The following IFT140 variants were observed in gnomAD, a reference collection of about 807,000 sequenced individuals.
IFT140 encodes intraflagellar transport protein 140 homolog.
Under a neutral mutation model 164.6 loss-of-function variants are expected in IFT140, and 133 were observed. The observed-to-expected ratio is 0.81, with a 90% CI of 0.70 to 0.93. The LOEUF (loss-of-function observed/expected upper bound fraction) is 0.93. Ranked by LOEUF, IFT140 falls within the 40% of genes least tolerant of loss-of-function variation. The pLI is 0.00. For synonymous variants in IFT140, 860 were observed against 817.3 expected, an observed-to-expected ratio of 1.05 and a Z score of -0.89; for missense variants, 2,045 against 1,972.3, an observed-to-expected ratio of 1.04 and a Z score of -0.70.
chr16:1,578,988 C>T (rs1370684463), intron 13 of IFT140, among the ~76,000 whole-genome samples: 3 of 152,214 alleles, frequency 2.0e-5, no homozygotes, highest in Non-Finnish European at 4.4e-5. Flanking sequence ...GCTCAGATTA[C>T]AGATGTGAGT....
intron 26 of IFT140, among the ~76,000 whole-genome samples, chr16:1,521,840 G>A (rs527966831): frequency 2.7e-5 from 4 of 148,264 alleles, no homozygotes; most frequent in Non-Finnish European, 5.9e-5. Flanking sequence ...GGGCAACACA[G>A]TCAGACCCCC....
intron 19 of IFT140, among the ~76,000 whole-genome samples, chr16:1,557,327 G>A (rs562030640): frequency 2.6e-4 from 40 of 152,296 alleles, no homozygotes; most frequent in Admixed American, 2.5e-3. Flanking sequence ...GGACGACAGC[G>A]GGCCGGGGTC....
intron 19 of IFT140, chr16:1,541,288 C>A: frequency 1.0e-6 from 1 of 985,084 alleles, no homozygotes; most frequent in Non-Finnish European, 1.2e-6. Flanking sequence ...GTGAGGGGGG[C>A]AGGTGGGGGG....
intron 3 of IFT140, among the ~76,000 whole-genome samples, chr16:1,606,834 A>G (rs2036087473): frequency 6.6e-6 from 1 of 152,052 alleles, no homozygotes; most frequent in Non-Finnish European, 1.5e-5. Context: ...CCACACGCAC[A>G]CACACACACG....
intron 2 of IFT140, among the ~76,000 whole-genome samples, chr16:1,608,455 C>A (rs1596472522): frequency 4.0e-5 from 6 of 151,746 alleles, no homozygotes; most frequent in Admixed American, 3.9e-4. Context: ...ATGGCGAACG[C>A]CACCCGCCTC....
In IFT140 at chr16:1,592,698, G is replaced by A. The variant is rs141244693; in HGVS notation, c.370-110C>T. 13,173 of 1,477,004 alleles carry A rather than the reference G, an allele frequency of 8.9e-3. 77 individuals are homozygous for A. Among genetic ancestry groups the A allele is most frequent in the Middle Eastern group, 0.01 (58 of 5,540 alleles). The allele number at this position is 1,477,004 out of a possible 1,614,324, so 91.5% of individuals were successfully genotyped here. On this transcript the variant is annotated intron_variant, in intron 4 of 30. Coordinates refer to ENST00000426508, the MANE Select transcript of IFT140 (RefSeq NM_014714.4). ...GTGGTGGGACAGGTGTCCCGGCAGAGCGACTGGTGGAGGGACAGGTGTCCC... is the reference window on the plus strand; with the variant it reads ...GTGGTGGGACAGGTGTCCCGGCAGAACGACTGGTGGAGGGACAGGTGTCCC...
chr16:1,559,301 G>C (rs1212283387), intron 18 of IFT140, among the ~76,000 whole-genome samples: 1 of 152,242 alleles, frequency 6.6e-6, no homozygotes, highest in Non-Finnish European at 1.5e-5. Context: ...GGTGTGGACA[G>C]AATGGGTACC....
intron 18 of IFT140, among the ~76,000 whole-genome samples, chr16:1,558,732 T>C (rs1326301067): frequency 6.6e-6 from 1 of 152,248 alleles, no homozygotes; most frequent in Non-Finnish European, 1.5e-5. Context: ...GCACGCGCTC[T>C]CTGGGCTCTA....
chr16:1,533,986 C>G lies in IFT140; in HGVS notation c.2400-7190G>C. 1 of 465,128 alleles carries G rather than the reference C, an allele frequency of 2.1e-6. No individual in the cohort carries two copies. Among genetic ancestry groups the G allele is most frequent in the Non-Finnish European group, 3.8e-6 (1 of 264,296 alleles). 28.8% of individuals were successfully genotyped at this position (465,128 alleles called of 1,614,324 possible). On this transcript the variant is annotated intron_variant, in intron 19 of 30. Transcript: ENST00000426508. The surrounding 1 kb of genome is among the most constrained non-coding windows in gnomAD (Gnocchi z 4.7). ...CGGCCTCCGCTTCCCGGGAAGACGG[C>G]GCACTCCTGGCCCTGGGTTCTTGCT...
chr16:1,520,507 TG>T, intron 27 of IFT140, 94 bp downstream of exon 27: 1 of 1,397,318 alleles, frequency 7.2e-7, no homozygotes, highest in Non-Finnish European at 9.8e-7. Context: ...AGCCCTAGCT[TG>T]GGGTCATCAC....
Position 1,580,864 on chromosome 16 carries a change from C to T in IFT140, c.1433-14G>A, listed in dbSNP as rs377750354. Reference sequence around the variant, plus strand: ...ACAAGAAGGTCCCTAAAATGAAAGACGAACATCAGGATGGCGGCCGCTCAT... The same window carrying T: ...ACAAGAAGGTCCCTAAAATGAAAGATGAACATCAGGATGGCGGCCGCTCAT... On this transcript the variant is annotated splice_polypyrimidine_tract_variant and intron_variant, in intron 12 of 30. Transcript: ENST00000426508. The T allele has an allele frequency of 1.1e-5, 17 of 1,586,722 alleles. No individual in the cohort carries two copies. Among genetic ancestry groups the T allele is most frequent in the East Asian group, 2.2e-5 (1 of 44,728 alleles).
At position 1,562,094 on chromosome 16, in the gene IFT140, A is replaced by T. The variant is rs1343501211; in HGVS notation, c.2090T>A (p.Phe697Tyr). 5 of 1,610,184 alleles carry T rather than the reference A, an allele frequency of 3.1e-6. No homozygotes were observed. Among genetic ancestry groups the T allele is most frequent in the Non-Finnish European group, 4.2e-6 (5 of 1,178,412 alleles). ...GPAADVLILS[F>Y]FISEEHGFLL... ...GAAGCCGTGCTCTTCGGAAATGAAGAAGGACAGGATCAAAACATCTGCCTG... is the reference window on the plus strand; with the variant it reads ...GAAGCCGTGCTCTTCGGAAATGAAGTAGGACAGGATCAAAACATCTGCCTG... The change falls in exon 18 of 31, where the codon TTC (phenylalanine) becomes TAC (tyrosine). Residue 697 changes from phenylalanine (F) to tyrosine (Y), a missense_variant. By Grantham distance (22) the Phe-to-Tyr change is conservative. Transcript: ENST00000426508.
At chr16:1,574,367 C>T (rs2034167757) in intron 13 of IFT140, among the ~76,000 whole-genome samples, 1 of 152,166 alleles carries the variant, frequency 6.6e-6, no homozygotes, top group African/African-American at 2.4e-5. Context: ...CAACCTCAAC[C>T]TCCCTAGGCT....
At chr16:1,527,018 C>T (rs1686195137) in intron 19 of IFT140, 6 of 537,916 alleles carry the variant, frequency 1.1e-5, no homozygotes, top group East Asian at 3.0e-5. Flanking sequence ...AGGCAGGGGC[C>T]GGGTCCCATT....
intron 4 of IFT140, among the ~76,000 whole-genome samples, chr16:1,596,570 G>A (rs1180363665): frequency 6.6e-6 from 1 of 152,148 alleles, no homozygotes; most frequent in African/African-American, 2.4e-5. Flanking sequence ...CTGCTCAGGA[G>A]GATGAAAGCA....
chr16:1,548,367 A>G (rs557776376), intron 19 of IFT140, among the ~76,000 whole-genome samples: 1 of 152,332 alleles, frequency 6.6e-6, no homozygotes, highest in South Asian at 2.1e-4. Flanking sequence ...CAGAAGCTGA[A>G]GCCCCAAGAA....
chr16:1,574,792 G>A (rs1051077398), intron 13 of IFT140, among the ~76,000 whole-genome samples: 10 of 151,998 alleles, frequency 6.6e-5, no homozygotes, highest in African/African-American at 2.4e-4. Context: ...GTTCTCCATG[G>A]GGCAGATGTG....
chr16:1,603,871 G>A (rs983481735), intron 3 of IFT140, among the ~76,000 whole-genome samples: 2 of 152,206 alleles, frequency 1.3e-5, no homozygotes, highest in African/African-American at 2.4e-5. Context: ...GCCCCCAGTT[G>A]TTCCACTGGG....
chr16:1,534,184 AG>A, intron 19 of IFT140: 1 of 1,533,678 alleles, frequency 6.5e-7, no homozygotes, highest in South Asian at 1.2e-5. Flanking sequence ...GATGTCCTCT[AG>A]CCACCCCTAG....
Sources: gnomAD v4.1 joint callset for allele counts (sites outside exome capture counted in the v4.1 genomes callset) on GRCh38, gnomAD v4.1.1 for gene constraint, Gnocchi (gnomAD v3.1) non-coding constraint, MANE v1.5 for transcripts, NCBI Gene and HGNC (gene_info 2026-07-23, HGNC 2026-07-21) for gene names.